ANK3: variants seen among roughly 807,000 people sequenced by gnomAD.
ANK3 encodes ankyrin-3.
Under a neutral mutation model 370.9 loss-of-function variants are expected in ANK3, and 57 were observed. The observed-to-expected ratio is 0.15, with a 90% CI of 0.12 to 0.19. The LOEUF (loss-of-function observed/expected upper bound fraction) is 0.19. Among genes scored for constraint, ANK3 ranks in the 10% least tolerant of loss-of-function variants. The probability of loss-of-function intolerance (pLI) is 1.00; values close to 1 mark genes in which losing one functional copy is unlikely to be tolerated. For synonymous variants in ANK3, 1,929 were observed against 1,946.3 expected, an observed-to-expected ratio of 0.99 and a Z score of 0.23; for missense variants, 4,439 against 5,302.1, an observed-to-expected ratio of 0.84 and a Z score of 5.06.
rs540693218 is a variant in ANK3, at chr10:60,312,330, C to T, written c.115-32691G>A. 2.6e-5 allele frequency among the ~76,000 whole-genome samples: 4 copies of T among 152,282 alleles called. No homozygotes were observed. The East Asian group carries it at 7.7e-4, about 29-fold the overall frequency. On this transcript the variant is annotated intron_variant, in intron 1 of 43. Coordinates refer to ENST00000280772, the MANE Select transcript of ANK3 (RefSeq NM_020987.5). The stretch of plus-strand genomic sequence containing the variant: ...AATCTCCTTATCCACATAAAGAGGC[C>T]TGATGGATGGTGACTGGCACAGGGC...
chr10:60,361,648 C>CA (rs1366637092), intron 1 of ANK3, among the ~76,000 whole-genome samples: 2 of 152,086 alleles, frequency 1.3e-5, no homozygotes, highest in African/African-American at 4.8e-5. Context: ...TGTAGTGGAA[C>CA]AAGGTATGGG....
At chr10:60,281,367 T>A (rs968117494) in intron 1 of ANK3, among the ~76,000 whole-genome samples, 11 of 152,208 alleles carry the variant, frequency 7.2e-5, no homozygotes. Flanking sequence ...GTATCCCCCA[T>A]TTGTGATAAC....
chr10:60,327,583 T>A (rs1192475064), intron 1 of ANK3, among the ~76,000 whole-genome samples: 1 of 152,180 alleles, frequency 6.6e-6, no homozygotes, highest in African/African-American at 2.4e-5. Context: ...GGTGAGGATA[T>A]GGGAGAGTGC....
At chr10:60,620,651 C>G (rs2133328612) in intron 1 of ANK3, among the ~76,000 whole-genome samples, 1 of 152,310 alleles carries the variant, frequency 6.6e-6, no homozygotes, top group Admixed American at 6.5e-5. Flanking sequence ...ATATTGACCA[C>G]TAGAATCAAA....
intron 2 of ANK3, among the ~76,000 whole-genome samples, chr10:60,571,265 C>T (rs1283198345): frequency 6.6e-6 from 1 of 152,130 alleles, no homozygotes; most frequent in Non-Finnish European, 1.5e-5. Flanking sequence ...AACCACTGCC[C>T]TAGAATGTTG....
chr10:60,728,089 C>T (rs543458111), intron 1 of ANK3, among the ~76,000 whole-genome samples: 1 of 152,300 alleles, frequency 6.6e-6, no homozygotes, highest in South Asian at 2.1e-4. Flanking sequence ...AGGTAGGAAT[C>T]AGCAAATGCT....
intron 1 of ANK3, among the ~76,000 whole-genome samples, chr10:60,646,261 C>T (rs918869739): frequency 3.9e-5 from 6 of 152,182 alleles, no homozygotes; most frequent in South Asian, 2.1e-4. Context: ...AAATACAGTA[C>T]GGTGTTAAGG....
At chr10:60,080,458 A>C (rs185306886) in intron 36 of ANK3, 79 bp downstream of exon 36, 143 of 1,258,436 alleles carry the variant, frequency 1.1e-4, no homozygotes, top group Admixed American at 1.5e-4. Context: ...TTTCCAAATG[A>C]TAAAATTTGG....
intron 1 of ANK3, among the ~76,000 whole-genome samples, chr10:60,708,339 G>A (rs998343968): frequency 4.6e-5 from 7 of 152,110 alleles, no homozygotes; most frequent in Non-Finnish European, 1.0e-4. Flanking sequence ...CATGTTTTTG[G>A]AATGTCACAG....
chr10:60,509,353 C>T (rs1367377391), intron 2 of ANK3, among the ~76,000 whole-genome samples: 1 of 152,044 alleles, frequency 6.6e-6, no homozygotes, highest in Non-Finnish European at 1.5e-5. Context: ...TACAAATTCA[C>T]TTAATATTTT....
chr10:60,289,264 C>A (rs1357227270), intron 1 of ANK3, among the ~76,000 whole-genome samples: 3 of 134,572 alleles, frequency 2.2e-5, no homozygotes, highest in Non-Finnish European at 3.1e-5. Context: ...TATGCCCTGC[C>A]TTTTTTTTTT....
chr10:60,286,023 T>C (rs1021775323), intron 1 of ANK3, among the ~76,000 whole-genome samples: 4 of 152,102 alleles, frequency 2.6e-5, no homozygotes, highest in Non-Finnish European at 5.9e-5. Context: ...TTCTCATTTT[T>C]TAAAAAAAGT....
intron 1 of ANK3, among the ~76,000 whole-genome samples, chr10:60,683,402 T>G (rs1057204687): frequency 1.3e-5 from 2 of 152,214 alleles, no homozygotes; most frequent in African/African-American, 4.8e-5. Context: ...GTCAAATCCA[T>G]GCTACCAAAC....
chr10:60,068,798 T>A lies in ANK3; in HGVS notation c.12083A>T (p.Glu4028Val). ...EKKMQSELSD[E>V]EESTSRNTSL... ...CGTGTTTCTTGAGGTACTTTCTTCC[T>A]CATCGGACAACTCGGACTGCATCTT... Residue 4028 changes from glutamate to valine, a missense_variant, in exon 37 of 44, where the codon GAG becomes GTG. By Grantham distance (121) the Glu-to-Val change is moderately radical (BLOSUM62 -2). Around this residue, in one of 13 missense-constraint regions of ANK3, gnomAD observed 496 missense variants for 529.3 expected, o/e 0.94. Transcript: ENST00000280772. The A allele has an allele frequency of 6.2e-7, 1 of 1,614,224 alleles. No homozygotes were observed. The highest frequency in any genetic ancestry group is 8.5e-7 in the Non-Finnish European group (1 of 1,180,030).
chr10:60,269,538 G>A (rs933676618), intron 5 of ANK3, among the ~76,000 whole-genome samples: 2 of 151,854 alleles, frequency 1.3e-5, no homozygotes, highest in South Asian at 2.1e-4. Context: ...CCAGCTACTC[G>A]GGAGGCTGAG....
chr10:60,687,044 G>C (rs1177188119), intron 1 of ANK3, among the ~76,000 whole-genome samples: 1 of 152,164 alleles, frequency 6.6e-6, no homozygotes, highest in African/African-American at 2.4e-5. Flanking sequence ...GTAACATGCT[G>C]TACAGCTTAT....
Position 60,072,119 on chromosome 10 carries a change from A to C in ANK3, c.8762T>G (p.Val2921Gly). 6.2e-7 allele frequency: 1 copy of C among 1,613,962 alleles called. No individual in the cohort carries two copies. The change falls in exon 37 of 44, where the codon GTA becomes GGA. Residue 2921 changes from valine to glycine, a missense_variant. Physicochemically the swap from Val to Gly is moderately radical, Grantham distance 109 (BLOSUM62 -3). Coordinates refer to ENST00000280772, the MANE Select transcript of ANK3 (RefSeq NM_020987.5). ...TAAGACTTTTTTGGAGGGAGATTTT[A>C]CAGTCATTTCTTTAATTTCTGAGAG... ...GSLSEIKEMT[V>G]KSPSKKVLYR...
intron 12 of ANK3, among the ~76,000 whole-genome samples, chr10:60,201,547 G>A (rs1565640696): frequency 6.6e-6 from 1 of 152,178 alleles, no homozygotes; most frequent in Non-Finnish European, 1.5e-5. Flanking sequence ...TTACCACTCT[G>A]ATAGCTACTC....
At chr10:60,629,792 T>A (rs964913615) in intron 1 of ANK3, among the ~76,000 whole-genome samples, 2 of 152,112 alleles carry the variant, frequency 1.3e-5, no homozygotes, top group African/African-American at 4.8e-5. Context: ...ATCAATATAA[T>A]AATAAATGTG....
Sources: allele counts gnomAD v4.1 joint callset (sites outside exome capture counted in the v4.1 genomes callset), GRCh38; gene constraint gnomAD v4.1.1; regional missense constraint gnomAD v4.1.1; transcripts MANE v1.5; gene names NCBI Gene and HGNC (gene_info 2026-07-23, HGNC 2026-07-21).